Variants in PTPRD observed in about 807,000 individuals in gnomAD.
PTPRD encodes the protein receptor-type tyrosine-protein phosphatase delta.
PTPRD carries 34 observed loss-of-function variants against 214.5 expected under a neutral mutation model. That is an observed-to-expected ratio of 0.16 (90% CI 0.12 to 0.21). PTPRD has a LOEUF of 0.21. Ranked by LOEUF, PTPRD falls within the 10% of genes least tolerant of loss-of-function variation. The pLI, the probability that PTPRD is intolerant of heterozygous loss-of-function variation, is 1.00. For missense variants in PTPRD, 2,545 were observed against 2,398.7 expected (o/e 1.06, Z -1.27); for synonymous variants, 1,128 against 845.7 (o/e 1.33, Z -5.79).
intron 2 of PTPRD, among the ~76,000 whole-genome samples, chr9:10,494,979 A>G (rs2041603045): frequency 6.6e-6 from 1 of 151,820 alleles, no homozygotes; most frequent in African/African-American, 2.4e-5. Flanking sequence ...CTGTCTTAAC[A>G]TAAGAATATT....
chr9:9,445,588 C>T (rs1399017695), intron 8 of PTPRD, among the ~76,000 whole-genome samples: 1 of 152,102 alleles, frequency 6.6e-6, no homozygotes, highest in Non-Finnish European at 1.5e-5. Flanking sequence ...CTTCACATGG[C>T]AGCAGGAAGG....
At chr9:8,754,883 G>A (rs1271727971) in intron 11 of PTPRD, among the ~76,000 whole-genome samples, 1 of 152,144 alleles carries the variant, frequency 6.6e-6, no homozygotes, top group Non-Finnish European at 1.5e-5. Flanking sequence ...GGGAAATGGG[G>A]TGGAGATAAA....
At chr9:10,352,501 C>A (rs2097200079) in intron 2 of PTPRD, among the ~76,000 whole-genome samples, 1 of 152,022 alleles carries the variant, frequency 6.6e-6, no homozygotes, top group Admixed American at 6.5e-5. Context: ...GCAGACAGAG[C>A]AGTTGAGGTC....
At chr9:8,782,611 T>G (rs973694414) in intron 11 of PTPRD, among the ~76,000 whole-genome samples, 4 of 149,192 alleles carry the variant, frequency 2.7e-5, no homozygotes, top group African/African-American at 1.0e-4. Context: ...TTTTTTTTTT[T>G]TTTTGAGACG....
intron 9 of PTPRD, among the ~76,000 whole-genome samples, chr9:9,220,039 T>G (rs945959796): frequency 3.3e-5 from 5 of 152,104 alleles, no homozygotes; most frequent in Non-Finnish European, 2.9e-5. Flanking sequence ...AGCTTAGAAC[T>G]TGAAGGACTT....
chr9:10,218,078 C>G (rs907551934), intron 3 of PTPRD, among the ~76,000 whole-genome samples: 4 of 151,826 alleles, frequency 2.6e-5, no homozygotes, highest in Non-Finnish European at 4.4e-5. Flanking sequence ...TAAGTAGATT[C>G]TATTCTGGCC....
rs2071697672 is a variant in PTPRD, at chr9:10,581,329, C to T, written c.-600+31069G>A. ...ATTCTAAAGAAATATATAAGAAATG[C>T]AAGACAAAATATTTTTCTTGCATCT... On this transcript the variant is annotated intron_variant, in intron 2 of 45. Transcript: ENST00000381196. Among the ~76,000 whole-genome samples, 2 of 152,026 alleles carry T rather than the reference C, an allele frequency of 1.3e-5. 1 individual carries two copies. Among genetic ancestry groups the T allele is most frequent in the South Asian group, 4.2e-4 (2 of 4,818 alleles).
At chr9:8,522,623 C>G (rs146646808) in intron 19 of PTPRD, among the ~76,000 whole-genome samples, 65 of 152,236 alleles carry the variant, frequency 4.3e-4, no homozygotes, top group African/African-American at 1.4e-3. Context: ...CAACATAACA[C>G]AGAAAAATTA....
rs78009908 is a variant in PTPRD, at chr9:8,669,090, C to T, written c.65-32246G>A. On this transcript the variant is annotated intron_variant, in intron 12 of 45. Coordinates refer to ENST00000381196, the MANE Select transcript of PTPRD (RefSeq NM_002839.4). ...CTATGGGAAAGGGGAGGGAGGTACT[C>T]CTTGCCCCAAAGTGATGAGGTTTCA... Among the ~76,000 whole-genome samples the T allele has an allele frequency of 1.2e-3, 188 of 152,158 alleles. 1 individual carries two copies. Among genetic ancestry groups the T allele is most frequent in the African/African-American group, 4.3e-3 (178 of 41,484 alleles).
At chr9:9,908,767 CAT>C (rs1180595257) in intron 5 of PTPRD, among the ~76,000 whole-genome samples, 2 of 151,990 alleles carry the variant, frequency 1.3e-5, no homozygotes, top group East Asian at 1.9e-4. Context: ...CAAAATATAA[CAT>C]ATTTATCTAT....
intron 4 of PTPRD, among the ~76,000 whole-genome samples, chr9:9,981,266 A>G (rs2095533705): frequency 6.6e-6 from 1 of 152,124 alleles, no homozygotes; most frequent in African/African-American, 2.4e-5. Context: ...TTTCAAACGC[A>G]GTTTTAACTT....
chr9:9,695,725 A>G (rs1380648630), intron 7 of PTPRD, among the ~76,000 whole-genome samples: 1 of 152,148 alleles, frequency 6.6e-6, no homozygotes, highest in Non-Finnish European at 1.5e-5. Context: ...ATGTTTAACC[A>G]TTCTTGTATC....
chr9:9,993,539 C>A (rs868695571), intron 4 of PTPRD, among the ~76,000 whole-genome samples: 2 of 152,038 alleles, frequency 1.3e-5, no homozygotes, highest in African/African-American at 4.8e-5. Flanking sequence ...GTTGAGGATG[C>A]CAAAGTAGGA....
At chr9:10,222,467 C>T (rs1463632054) in intron 3 of PTPRD, among the ~76,000 whole-genome samples, 1 of 152,106 alleles carries the variant, frequency 6.6e-6, no homozygotes, top group East Asian at 1.9e-4. Flanking sequence ...TGTCAGTTCT[C>T]ATTTTTAATT....
Position 8,795,077 on chromosome 9 carries a change from T to C in PTPRD, c.-103-61131A>G, listed in dbSNP as rs1188390202. Among the ~76,000 whole-genome samples the C allele has an allele frequency of 7.2e-5, 11 of 152,294 alleles. No individual in the cohort carries two copies. The East Asian group carries it at 2.1e-3, about 29-fold the overall frequency. ...TGGAACCTTTTCAAATCTTCCGCAT[T>C]CATTTAAAGGCGTCATTTTAATTTC... On this transcript the variant is annotated intron_variant, in intron 11 of 45. Coordinates refer to ENST00000381196, the MANE Select transcript of PTPRD (RefSeq NM_002839.4).
At chr9:9,596,413 C>T (rs545035888) in intron 7 of PTPRD, among the ~76,000 whole-genome samples, 140 of 151,918 alleles carry the variant, frequency 9.2e-4, no homozygotes, top group African/African-American at 3.0e-3. Context: ...CTTATAGGGA[C>T]GATATTATAC....
chr9:9,658,050 C>A (rs1220725688), intron 7 of PTPRD, among the ~76,000 whole-genome samples: 3 of 152,094 alleles, frequency 2.0e-5, no homozygotes, highest in African/African-American at 4.8e-5. Context: ...TGTCTTCCAG[C>A]GGTATCTTTT....
At chr9:8,738,192 A>T (rs1244934305) in intron 11 of PTPRD, among the ~76,000 whole-genome samples, 1 of 152,186 alleles carries the variant, frequency 6.6e-6, no homozygotes, top group Non-Finnish European at 1.5e-5. Context: ...ATATAATTTG[A>T]AATGGAACAA....
chr9:10,606,319 CCTT>C (rs528873388), intron 2 of PTPRD, among the ~76,000 whole-genome samples: 2 of 151,868 alleles, frequency 1.3e-5, no homozygotes, highest in East Asian at 3.9e-4. Flanking sequence ...ATGAGTCACT[CCTT>C]CTACCATTCT....
Sources: allele counts gnomAD v4.1 joint callset (sites outside exome capture counted in the v4.1 genomes callset), GRCh38; gene constraint gnomAD v4.1.1; transcripts MANE v1.5; gene names NCBI Gene and HGNC (gene_info 2026-07-23, HGNC 2026-07-21).